Variants in TATDN2 observed in about 807,000 individuals in gnomAD.
TATDN2 encodes 3'-5' RNA nuclease TATDN2.
A neutral mutation model predicts 60.3 loss-of-function variants in TATDN2; 44 were observed. That is an observed-to-expected ratio of 0.73 (90% confidence interval 0.57 to 0.94). The LOEUF (loss-of-function observed/expected upper bound fraction) is 0.94. TATDN2 is among the 40% of genes least tolerant of loss of function. TATDN2 has a pLI of 0.00. For missense variants in TATDN2, 997 were observed against 948.0 expected, an observed-to-expected ratio of 1.05 and a Z score of -0.68; for synonymous variants, 399 against 355.8, an observed-to-expected ratio of 1.12 and a Z score of -1.37.
intron 2 of TATDN2, among the ~76,000 whole-genome samples, chr3:10,256,828 G>A (rs1220966639): frequency 6.6e-6 from 1 of 151,746 alleles, no homozygotes; most frequent in Non-Finnish European, 1.5e-5. Flanking sequence ...ATGGGACGGA[G>A]GCAAGGACAT....
intron 5 of TATDN2, 58 bp downstream of exon 5, chr3:10,276,546 A>AC (rs1698640359): frequency 6.2e-7 from 1 of 1,603,202 alleles, no homozygotes; most frequent in Non-Finnish European, 8.5e-7. Flanking sequence ...TGTCAAGTTG[A>AC]TGAGGACAGC....
In TATDN2 at chr3:10,248,831, G is replaced by C. The variant is rs1465210742; in HGVS notation, c.-243G>C. 5.0e-6 allele frequency: 1 copy of C among 200,626 alleles called. No homozygotes were observed. The highest frequency in any genetic ancestry group is 9.9e-6 in the Non-Finnish European group (1 of 100,732). The allele number at this position is 200,626 out of a possible 1,614,324, so 12.4% of individuals were successfully genotyped here. A position where few individuals can be genotyped will look rare whatever the true frequency, so the allele number is the denominator to read the frequency against. On this transcript the variant is annotated 5_prime_UTR_variant, in exon 1 of 8. Transcript: ENST00000448281. ...ATGTGGTCTTCTGAAGCGCTTGACA[G>C]TTCTAAAGGGCTTTATATTGCAAAC...
chr3:10,275,673 G>C (rs1057424327), intron 4 of TATDN2, among the ~76,000 whole-genome samples: 2 of 152,176 alleles, frequency 1.3e-5, no homozygotes, highest in African/African-American at 4.8e-5. Flanking sequence ...TTGAACCCAG[G>C]AGGTGGAGGC....
In TATDN2 at chr3:10,270,432, G is replaced by GTGAT; in HGVS notation, c.1252_1255dup (p.Tyr419Ter). ...GGGAAGAGCAGCCGGAGCCGCATGA[G>GTGAT]TGATTATTCCCCCAACTCTACAGGG... On this transcript the variant is annotated frameshift_variant, in exon 4 of 8. Transcript: ENST00000448281. LOFTEE classifies it high-confidence loss of function. 1 of 1,614,204 alleles carries GTGAT rather than the reference G, an allele frequency of 6.2e-7. No homozygotes were observed. Among genetic ancestry groups the GTGAT allele is most frequent in the East Asian group, 2.2e-5 (1 of 44,880 alleles).
At chr3:10,276,539 C>A in intron 5 of TATDN2, 51 bp downstream of exon 5, 1 of 1,582,572 alleles carries the variant, frequency 6.3e-7, no homozygotes, top group Non-Finnish European at 8.6e-7. Context: ...CTTCCTCTGT[C>A]AAGTTGATGA....
chr3:10,266,674 A>C (rs1308747863), intron 3 of TATDN2, among the ~76,000 whole-genome samples: 1 of 152,232 alleles, frequency 6.6e-6, no homozygotes, highest in Non-Finnish European at 1.5e-5. Flanking sequence ...GACAACGTAC[A>C]AGTGAATGGG....
intron 5 of TATDN2, among the ~76,000 whole-genome samples, chr3:10,277,834 A>T (rs922097090): frequency 2.0e-5 from 3 of 152,202 alleles, no homozygotes; most frequent in Non-Finnish European, 4.4e-5. Context: ...AAGAACATGA[A>T]CAGGTATCAG....
intron 2 of TATDN2, among the ~76,000 whole-genome samples, chr3:10,258,663 T>G (rs369744721): frequency 9.9e-5 from 15 of 152,004 alleles, no homozygotes; most frequent in African/African-American, 3.6e-4. Context: ...AGACACAGTG[T>G]TTTGCCATGT....
At chr3:10,261,179 A>G (rs779929815) in intron 3 of TATDN2, among the ~76,000 whole-genome samples, 1 of 152,202 alleles carries the variant, frequency 6.6e-6, no homozygotes, top group Admixed American at 6.5e-5. Flanking sequence ...CACATGTTGT[A>G]TCTGCTGTTG....
chr3:10,250,016 G>T (rs916793306), intron 2 of TATDN2, among the ~76,000 whole-genome samples: 1 of 152,154 alleles, frequency 6.6e-6, no homozygotes, highest in African/African-American at 2.4e-5. Context: ...CTCAAGAGAA[G>T]AATGTATTTA....
chr3:10,258,455 T>G (rs1316044718), intron 2 of TATDN2, among the ~76,000 whole-genome samples: 3 of 151,302 alleles, frequency 2.0e-5, no homozygotes, highest in African/African-American at 7.3e-5. Context: ...TTTTTGTAAT[T>G]TTATTTTTAT....
chr3:10,264,871 G>A (rs1465636690), intron 3 of TATDN2, among the ~76,000 whole-genome samples: 1 of 151,666 alleles, frequency 6.6e-6, no homozygotes. Flanking sequence ...AAGGGACGGG[G>A]TTTCATTTTG....
At chr3:10,259,836 G>A (rs1469621860) in intron 2 of TATDN2, among the ~76,000 whole-genome samples, 1 of 152,190 alleles carries the variant, frequency 6.6e-6, no homozygotes, top group Non-Finnish European at 1.5e-5. Context: ...TTTGCCTGAA[G>A]TGTAGTCCTT....
intron 4 of TATDN2, among the ~76,000 whole-genome samples, chr3:10,274,606 G>C (rs76185912): frequency 6.6e-6 from 1 of 150,912 alleles, no homozygotes; most frequent in Admixed American, 6.6e-5. Flanking sequence ...TGTGTGTAGG[G>C]GTCGGGGAGG....
At chr3:10,264,220 G>C (rs929827959) in intron 3 of TATDN2, among the ~76,000 whole-genome samples, 1 of 152,138 alleles carries the variant, frequency 6.6e-6, no homozygotes, top group Admixed American at 6.5e-5. Flanking sequence ...TGTAACTCCA[G>C]TTCCTCCAGT....
Position 10,261,309 on chromosome 3 carries a change from A to G in TATDN2, c.948+639A>G, listed in dbSNP as rs571108177. On this transcript the variant is annotated intron_variant, in intron 3 of 7. Coordinates refer to ENST00000448281, the MANE Select transcript of TATDN2 (RefSeq NM_014760.4). The stretch of plus-strand genomic sequence containing the variant: ...GAAGGGAAGGATGTCATTGGACGGA[A>G]ACTAGTGATTTTTAACATAGCTTAT... Among the ~76,000 whole-genome samples the G allele has an allele frequency of 5.9e-5, 9 of 152,256 alleles. 1 individual carries two copies. Among genetic ancestry groups the G allele is most frequent in the African/African-American group, 1.9e-4 (8 of 41,560 alleles).
Position 10,276,488 on chromosome 3 carries a change from GGTT to G in TATDN2, c.1961+1_1961+3del. On this transcript the variant is annotated splice_donor_variant and splice_donor_region_variant and intron_variant, in intron 5 of 7. Transcript: ENST00000448281. LOFTEE classifies it high-confidence loss of function. ...GTGCCCCCTGACTACAAGATCCATAGGTTAGAAGACTGGAACTTCAGCGGGCAA... is the reference window on the plus strand; with the variant it reads ...GTGCCCCCTGACTACAAGATCCATAGAGAAGACTGGAACTTCAGCGGGCAA... The G allele has an allele frequency of 6.2e-7, 1 of 1,613,768 alleles. No individual in the cohort carries two copies. The highest frequency in any genetic ancestry group is 8.5e-7 in the Non-Finnish European group (1 of 1,179,864).
At chr3:10,260,004 G>A in intron 2 of TATDN2, 133 bp from the exon 3 acceptor site, 3 of 1,042,802 alleles carry the variant, frequency 2.9e-6, no homozygotes, top group Non-Finnish European at 4.1e-6. Flanking sequence ...ACCACCCGGA[G>A]AGAACCTTTG....
Position 10,249,627 on chromosome 3 carries a change from C to A in TATDN2, c.414+13C>A. The stretch of plus-strand genomic sequence containing the variant: ...CTGCAGCCTTAAGGTAGGTGGCTGC[C>A]ACGCTTTGCAATCGGTGAAGCCCCT... On this transcript the variant is annotated intron_variant, in intron 2 of 7. Coordinates refer to ENST00000448281, the MANE Select transcript of TATDN2 (RefSeq NM_014760.4). The A allele has an allele frequency of 6.7e-7, 1 of 1,501,500 alleles. No homozygotes were observed. Among genetic ancestry groups the A allele is most frequent in the South Asian group, 1.3e-5 (1 of 74,106 alleles). The allele number at this position is 1,501,500 out of a possible 1,614,324, so 93.0% of individuals were successfully genotyped here. A position where few individuals can be genotyped will look rare whatever the true frequency, so the allele number is the denominator to read the frequency against.
Sources: allele counts gnomAD v4.1 joint callset (sites outside exome capture counted in the v4.1 genomes callset), GRCh38; gene constraint gnomAD v4.1.1; transcripts MANE v1.5; gene names NCBI Gene and HGNC (gene_info 2026-07-23, HGNC 2026-07-21).